The following HUWE1 variants were observed in gnomAD, a reference collection of about 807,000 sequenced individuals.
HUWE1 encodes the protein HECT, UBA and WWE domain containing E3 ubiquitin protein ligase 1.
HUWE1 carries 18 observed loss-of-function variants against 299.4 expected under a neutral mutation model. That is an observed-to-expected ratio of 0.06 (90% confidence interval 0.04 to 0.09). The LOEUF is 0.09. Among genes scored for constraint, HUWE1 ranks in the 10% least tolerant of loss-of-function variants. HUWE1 has a pLI of 1.00. For missense variants in HUWE1, 1,832 were observed against 3,462.3 expected (o/e 0.53, Z 11.82); for synonymous variants, 1,317 against 1,286.1 (o/e 1.02, Z -0.51).
At chrX:53,662,886 G>A (rs782533357) in intron 3 of HUWE1, among the ~76,000 whole-genome samples, 1 of 111,185 alleles carries the variant, frequency 9.0e-6, no homozygotes, top group African/African-American at 3.3e-5. Context: ...TTCCTTAAAC[G>A]AGACCAGCCT....
At chrX:53,647,144 G>C (rs1238771429) in intron 6 of HUWE1, among the ~76,000 whole-genome samples, 2 of 111,687 alleles carry the variant, frequency 1.8e-5, no homozygotes, top group Non-Finnish European at 3.8e-5. Context: ...TTCATTTCTT[G>C]AATCTTGAAA....
Position 53,674,213 on chromosome X carries a change from C to T in HUWE1, c.-25+5836G>A, listed in dbSNP as rs183339860. On this transcript the variant is annotated intron_variant, in intron 3 of 83. Transcript: ENST00000262854. ...TGGGAAATGCCTATCCTTAAAATTT[C>T]CTACTAGATTTCTTTTCTTATTCCT... Among the ~76,000 whole-genome samples, 294 of 111,478 alleles carry T rather than the reference C, an allele frequency of 2.6e-3. 1 individual carries two copies. Among genetic ancestry groups the T allele is most frequent in the African/African-American group, 9.1e-3 (279 of 30,783 alleles).
At chrX:53,631,370 A>G in intron 11 of HUWE1, 44 bp downstream of exon 11, 1 of 976,156 alleles carries the variant, frequency 1.0e-6, no homozygotes, top group African/African-American at 1.9e-5. Context: ...TAATCTATTT[A>G]GATAACAACC....
chrX:53,624,448 G>T (rs2066353345), intron 19 of HUWE1, 147 bp downstream of exon 19: 3 of 507,443 alleles, frequency 5.9e-6, no homozygotes, highest in Non-Finnish European at 1.1e-5. Flanking sequence ...AGTGAGCCAA[G>T]ATTGCGCCAC....
chrX:53,669,466 TTA>T (rs1307092250), intron 3 of HUWE1, among the ~76,000 whole-genome samples: 1 of 112,331 alleles, frequency 8.9e-6, no homozygotes, highest in Non-Finnish European at 1.9e-5. Flanking sequence ...CTTTAAGACC[TTA>T]TGACATTCTG....
intron 29 of HUWE1, among the ~76,000 whole-genome samples, chrX:53,598,996 A>T (rs1209938192): frequency 8.9e-6 from 1 of 112,622 alleles, no homozygotes; most frequent in Non-Finnish European, 1.9e-5. Flanking sequence ...AGATATGGGT[A>T]TACCCAGACT....
At chrX:53,575,267 C>T (rs1556957445) in intron 45 of HUWE1, 46 bp from the exon 46 acceptor site, 2 of 1,005,351 alleles carry the variant, frequency 2.0e-6, no homozygotes, top group East Asian at 3.1e-5. Context: ...TTCAAAAGCA[C>T]CCGTCTGCAA....
intron 62 of HUWE1, 84 bp downstream of exon 62, chrX:53,552,554 C>T (rs2061809563): frequency 4.2e-6 from 5 of 1,200,952 alleles, no homozygotes; most frequent in Middle Eastern, 4.6e-4. Flanking sequence ...GCATAACAAG[C>T]ATGTCCATTA....
chrX:53,546,935 G>T, intron 68 of HUWE1, 110 bp from the exon 69 acceptor site: 1 of 1,004,523 alleles, frequency 1.0e-6, no homozygotes, highest in Non-Finnish European at 1.4e-6. Context: ...AAATGGGAAA[G>T]TACTGAAAAA....
intron 53 of HUWE1, 37 bp from the exon 54 acceptor site, chrX:53,562,281 G>C: frequency 8.3e-7 from 1 of 1,200,740 alleles, no homozygotes; most frequent in South Asian, 1.8e-5. Flanking sequence ...ACTAAACTGA[G>C]TAGCTAGAAA....
chrX:53,659,336 C>T (rs1331230998), intron 3 of HUWE1, among the ~76,000 whole-genome samples: 1 of 112,249 alleles, frequency 8.9e-6, no homozygotes, highest in African/African-American at 3.2e-5. Flanking sequence ...TGTGGTACAT[C>T]CAGACAATGG....
intron 3 of HUWE1, among the ~76,000 whole-genome samples, chrX:53,658,433 T>C (rs1345909909): frequency 1.8e-5 from 2 of 111,162 alleles, no homozygotes; most frequent in African/African-American, 6.6e-5. Context: ...AAGAACAAAG[T>C]CAGAAGACCT....
intron 70 of HUWE1, among the ~76,000 whole-genome samples, chrX:53,545,907 C>A (rs1400644972): frequency 9.0e-6 from 1 of 111,437 alleles, no homozygotes; most frequent in Admixed American, 9.5e-5. Flanking sequence ...TTGGTCCAAT[C>A]ACTTTATCAC....
chrX:53,672,317 C>A (rs2069592516), intron 3 of HUWE1, among the ~76,000 whole-genome samples: 1 of 105,278 alleles, frequency 9.5e-6, no homozygotes, highest in Admixed American at 1.0e-4. Context: ...GGCTGGAATG[C>A]AGTGGCGTGA....
At position 53,631,606 on chromosome X, in the gene HUWE1, A is replaced by G. The variant is rs148129382; in HGVS notation, c.654T>C (p.Ser218=). ...CTATGTGAATATAATGTAGTGTGTT[A>G]CTAGTTGTCTAAAATTAAAAAAGAC... is the stretch of plus-strand genomic sequence containing the variant. The part of the protein sequence containing the change: ...AEVKIEKRTT[S]NTLHYIHIEQ... Residue 218 remains serine (S), a synonymous_variant, in exon 10 of 84, where the codon AGT becomes AGC. Transcript: ENST00000262854. 953 of 1,186,695 alleles carry G rather than the reference A, an allele frequency of 8.0e-4. No individual in the cohort carries two copies. Among genetic ancestry groups the G allele is most frequent in the Non-Finnish European group, 9.8e-4 (854 of 874,763 alleles).
At chrX:53,625,546 A>G in intron 17 of HUWE1, 2 of 259,475 alleles carry the variant, frequency 7.7e-6, no homozygotes, top group South Asian at 1.4e-4. Flanking sequence ...CATTTTGGAT[A>G]TTATCTGCCC....
At chrX:53,610,273 G>GC (rs1291380052) in intron 23 of HUWE1, among the ~76,000 whole-genome samples, 2 of 111,735 alleles carry the variant, frequency 1.8e-5, no homozygotes, top group African/African-American at 6.5e-5. Flanking sequence ...AGACCTATAT[G>GC]CCCCCTTCAT....
intron 17 of HUWE1, among the ~76,000 whole-genome samples, chrX:53,626,629 TTTTAC>T (rs1479751720): frequency 1.8e-5 from 2 of 111,913 alleles, no homozygotes; most frequent in Non-Finnish European, 3.8e-5. Context: ...GAGCATTCAT[TTTTAC>T]TTTATACACT....
intron 81 of HUWE1, among the ~76,000 whole-genome samples, chrX:53,535,018 A>C (rs1200698561): frequency 1.2e-4 from 13 of 107,292 alleles, no homozygotes; most frequent in Non-Finnish European, 1.9e-4. Flanking sequence ...CTCACTGCAA[A>C]CTCCACCTCC....
Sources: gnomAD v4.1 joint callset for allele counts (sites outside exome capture counted in the v4.1 genomes callset) on GRCh38, gnomAD v4.1.1 for gene constraint, MANE v1.5 for transcripts, NCBI Gene and HGNC (gene_info 2026-07-23, HGNC 2026-07-21) for gene names.